NPEPPS: variants seen among roughly 807,000 people sequenced by gnomAD.
NPEPPS encodes the protein aminopeptidase puromycin sensitive.
In NPEPPS, 14 loss-of-function variants were observed where a neutral mutation model predicts 115.5. That is an observed-to-expected ratio of 0.12 (90% CI 0.08 to 0.19). The LOEUF (loss-of-function observed/expected upper bound fraction) is 0.19. NPEPPS is among the 10% of genes least tolerant of loss of function. NPEPPS has a pLI of 1.00. For missense variants in NPEPPS, 523 were observed against 1,110.8 expected, an observed-to-expected ratio of 0.47 and a Z score of 7.52; for synonymous variants, 285 against 390.6, an observed-to-expected ratio of 0.73 and a Z score of 3.19.
Position 47,531,169 on chromosome 17 carries a change from C to G in NPEPPS, c.-132C>G. The G allele has an allele frequency of 1.3e-6, 1 of 746,948 alleles. No individual in the cohort carries two copies. Among genetic ancestry groups the G allele is most frequent in the Non-Finnish European group, 1.7e-6 (1 of 575,226 alleles). The allele number at this position is 746,948 out of a possible 1,614,324, so 46.3% of individuals were successfully genotyped here. ...CCCCTTCCCTCCCCTCCGCCCCCTT[C>G]CCCGTAGGCAGCCCGCCCGCCAGTC... On this transcript the variant is annotated 5_prime_UTR_variant, in exon 1 of 23. Coordinates refer to ENST00000322157, the MANE Select transcript of NPEPPS (RefSeq NM_006310.4).
chr17:47,536,519 A>C (rs1005436217), intron 1 of NPEPPS, among the ~76,000 whole-genome samples: 1 of 148,316 alleles, frequency 6.7e-6, no homozygotes, highest in Non-Finnish European at 1.5e-5. Flanking sequence ...TTAGCCTCCC[A>C]AATAGCTGGG....
chr17:47,617,224 TTC>T (rs1479121170), intron 19 of NPEPPS, among the ~76,000 whole-genome samples: 1 of 152,210 alleles, frequency 6.6e-6, no homozygotes, highest in Non-Finnish European at 1.5e-5. Context: ...TTCTTTATGC[TTC>T]TCTGTCTTTC....
chr17:47,531,871 C>T (rs1045125325), intron 1 of NPEPPS, among the ~76,000 whole-genome samples: 1 of 152,164 alleles, frequency 6.6e-6, no homozygotes, highest in African/African-American at 2.4e-5. Flanking sequence ...GGGCTTTCCC[C>T]CCCGCCCCGG....
chr17:47,544,985 G>A (rs1295515285), intron 1 of NPEPPS, among the ~76,000 whole-genome samples: 5 of 148,978 alleles, frequency 3.4e-5, no homozygotes, highest in Non-Finnish European at 7.4e-5. Flanking sequence ...GATTACAGGT[G>A]TGAGCCGATG....
At chr17:47,602,765 G>A (rs1170920503) in intron 15 of NPEPPS, among the ~76,000 whole-genome samples, 1 of 151,320 alleles carries the variant, frequency 6.6e-6, no homozygotes, top group Non-Finnish European at 1.5e-5. Context: ...CTCAGGCTCC[G>A]GAGTAGCTAG....
intron 2 of NPEPPS, among the ~76,000 whole-genome samples, chr17:47,567,644 CA>C (rs1910908585): frequency 6.6e-6 from 1 of 152,030 alleles, no homozygotes; most frequent in African/African-American, 2.4e-5. Context: ...GCCATCATCA[CA>C]ATCAATTTTA....
chr17:47,568,844 G>A (rs1389378646), intron 2 of NPEPPS, among the ~76,000 whole-genome samples: 1 of 151,440 alleles, frequency 6.6e-6, no homozygotes, highest in East Asian at 2.0e-4. Context: ...TAGTAGAGAC[G>A]GGGTTTCTCC....
At chr17:47,604,746 C>CAGGAGACAGGTCTCAGGAGAGACCTGTCT in intron 16 of NPEPPS, among the ~76,000 whole-genome samples, 1 of 152,130 alleles carries the variant, frequency 6.6e-6, no homozygotes, top group African/African-American at 2.4e-5. Flanking sequence ...GAGACCTGTC[C>CAGGAGACAGGTCTCAGGAGAGACCTGTCT]CAGGAGAGTG....
upstream of NPEPPS, among the ~76,000 whole-genome samples, chr17:47,529,918 T>TTTTA (rs200538359): frequency 0.061 from 3,591 of 58,414 alleles, 161 homozygotes; most frequent in African/African-American, 0.088. Flanking sequence ...AAACATCCCA[T>TTTTA]TTTATTTATT....
At chr17:47,590,350 C>G (rs1225186107) in intron 9 of NPEPPS, among the ~76,000 whole-genome samples, 2 of 152,100 alleles carry the variant, frequency 1.3e-5, no homozygotes, top group Admixed American at 1.3e-4. Flanking sequence ...ATGGCAAAAC[C>G]CCCTCTCTAC....
intron 2 of NPEPPS, among the ~76,000 whole-genome samples, chr17:47,558,263 G>T (rs1014877456): frequency 4.2e-4 from 64 of 152,166 alleles, no homozygotes; most frequent in Non-Finnish European, 1.8e-4. Flanking sequence ...AAATAGCTGG[G>T]ATTACAGGCT....
intron 17 of NPEPPS, among the ~76,000 whole-genome samples, chr17:47,607,974 A>T (rs574137453): frequency 2.0e-5 from 3 of 151,592 alleles, no homozygotes; most frequent in African/African-American, 4.8e-5. Context: ...CCTCCTGAGT[A>T]TTTGGGACTA....
chr17:47,607,285 T>C (rs11869026), intron 17 of NPEPPS, among the ~76,000 whole-genome samples: 3,071 of 152,266 alleles, frequency 0.02, 84 homozygotes, highest in East Asian at 0.16. Flanking sequence ...AATAAGGTGA[T>C]ATTGAGCATA....
chr17:47,586,960 C>T (rs949574823), intron 8 of NPEPPS: 5 of 400,232 alleles, frequency 1.2e-5, no homozygotes, highest in African/African-American at 1.0e-4. Flanking sequence ...TCGCTAATCC[C>T]TTAGACAATG....
intron 2 of NPEPPS, chr17:47,559,724 G>A (rs1292885851): frequency 4.4e-6 from 2 of 449,884 alleles, no homozygotes; most frequent in East Asian, 7.0e-5. Flanking sequence ...GCCCAAAGGA[G>A]GGGGTCATTT....
chr17:47,603,797 G>GGTCT, intron 15 of NPEPPS, 118 bp from the exon 16 acceptor site: 1 of 829,858 alleles, frequency 1.2e-6, no homozygotes, highest in Non-Finnish European at 1.9e-6. Context: ...TGGCATAGAT[G>GGTCT]GTCTTAATTG....
intron 1 of NPEPPS, among the ~76,000 whole-genome samples, chr17:47,538,202 C>CTTTTTTTTTTGTTTTTT (rs1908461030): frequency 1.7e-5 from 1 of 58,492 alleles, no homozygotes; most frequent in African/African-American, 5.7e-5. Context: ...CATATCTGTT[C>CTTTTTTTTTTGTTTTTT]TTTTTTTTTT....
chr17:47,590,634 G>C, intron 9 of NPEPPS, 83 bp from the exon 10 acceptor site: 1 of 1,439,604 alleles, frequency 6.9e-7, no homozygotes, highest in South Asian at 1.4e-5. Context: ...TGGGAATATA[G>C]TGGAAGGGAC....
At chr17:47,605,228 C>CGTT in intron 16 of NPEPPS, 105 bp from the exon 17 acceptor site, 1 of 738,942 alleles carries the variant, frequency 1.4e-6, no homozygotes, top group Non-Finnish European at 2.2e-6. Flanking sequence ...GTCCCATTTC[C>CGTT]TTAAACCAAA....
Sources: gnomAD v4.1 joint callset for allele counts (sites outside exome capture counted in the v4.1 genomes callset) on GRCh38, gnomAD v4.1.1 for gene constraint, MANE v1.5 for transcripts, NCBI Gene and HGNC (gene_info 2026-07-23, HGNC 2026-07-21) for gene names.